COG5: variants seen among roughly 807,000 people sequenced by gnomAD.
The protein encoded by COG5 is conserved oligomeric Golgi complex subunit 5.
COG5 carries 86 observed loss-of-function variants against 110.4 expected under a neutral mutation model. The observed-to-expected ratio is 0.78, with a 90% CI of 0.65 to 0.93. COG5 has a LOEUF of 0.93. Among genes scored for constraint, COG5 ranks in the 40% least tolerant of loss-of-function variants. The probability of loss-of-function intolerance (pLI) is 0.00; values close to 1 mark genes in which losing one functional copy is unlikely to be tolerated. For missense variants in COG5, 1,077 were observed against 987.0 expected (o/e 1.09, Z -1.22); for synonymous variants, 360 against 334.6 (o/e 1.08, Z -0.83).
chr7:107,532,610 T>C (rs904021694), intron 5 of COG5, among the ~76,000 whole-genome samples: 4 of 152,202 alleles, frequency 2.6e-5, no homozygotes, highest in Non-Finnish European at 5.9e-5. Flanking sequence ...CTGATACTTC[T>C]AATTAAAAAT....
At chr7:107,229,166 T>C (rs544800648) in intron 19 of COG5, among the ~76,000 whole-genome samples, 1 of 152,212 alleles carries the variant, frequency 6.6e-6, no homozygotes, top group South Asian at 2.1e-4. Flanking sequence ...AAATATCTTC[T>C]TCGGCTAGGC....
intron 11 of COG5, among the ~76,000 whole-genome samples, chr7:107,314,800 T>C (rs1808586699): frequency 6.6e-6 from 1 of 152,118 alleles, no homozygotes; most frequent in Non-Finnish European, 1.5e-5. Flanking sequence ...AGGATTTTAA[T>C]CAGAAAATGA....
intron 14 of COG5, among the ~76,000 whole-genome samples, chr7:107,262,979 T>A (rs2116659317): frequency 6.6e-6 from 1 of 152,314 alleles, no homozygotes; most frequent in Non-Finnish European, 1.5e-5. Flanking sequence ...TTATTCAAAT[T>A]TTCTTTTCAC....
rs1228029611 is a variant in COG5 at position 107,202,669 on chromosome 7, T to C, written c.*847A>G. 1 of 152,108 alleles carries C rather than the reference T, an allele frequency of 6.6e-6. No individual in the cohort carries two copies. Among genetic ancestry groups the C allele is most frequent in the Non-Finnish European group, 1.5e-5 (1 of 68,030 alleles). The allele number at this position is 152,108 out of a possible 1,614,324, so 9.4% of individuals were successfully genotyped here. A position where few individuals can be genotyped will look rare whatever the true frequency, so the allele number is the denominator to read the frequency against. On this transcript the variant is annotated 3_prime_UTR_variant, in exon 22 of 22. Transcript: ENST00000297135. ...CTAATTAGGAGGCTGCTGATAGGAT[T>C]TTAAAAATTAAAAACAATGTTAATA...
intron 14 of COG5, among the ~76,000 whole-genome samples, chr7:107,268,934 G>C (rs1272307654): frequency 2.0e-5 from 3 of 152,146 alleles, no homozygotes; most frequent in Non-Finnish European, 4.4e-5. Flanking sequence ...ACTGAAAAAT[G>C]TCAGTGGCCA....
chr7:107,334,905 C>T (rs1810578837), intron 10 of COG5, among the ~76,000 whole-genome samples: 1 of 152,082 alleles, frequency 6.6e-6, no homozygotes, highest in Non-Finnish European at 1.5e-5. Context: ...GTGTGATCCA[C>T]TCATAACTCT....
intron 17 of COG5, among the ~76,000 whole-genome samples, chr7:107,244,666 GA>G (rs911396993): frequency 6.6e-6 from 1 of 151,698 alleles, no homozygotes; most frequent in Non-Finnish European, 1.5e-5. Context: ...AAAAAAATCA[GA>G]AACCTCTAAA....
chr7:107,359,291 A>G (rs1812892174), intron 10 of COG5, among the ~76,000 whole-genome samples: 1 of 152,220 alleles, frequency 6.6e-6, no homozygotes, highest in Non-Finnish European at 1.5e-5. Context: ...GTCACATCTC[A>G]GCCAGGTGTG....
At chr7:107,469,322 TA>T (rs1406486812) in intron 6 of COG5, among the ~76,000 whole-genome samples, 1 of 151,968 alleles carries the variant, frequency 6.6e-6, no homozygotes, top group East Asian at 1.9e-4. Flanking sequence ...ATCTACCAAA[TA>T]AAAGGGTTAT....
intron 10 of COG5, among the ~76,000 whole-genome samples, chr7:107,339,950 A>C (rs938333379): frequency 6.6e-6 from 1 of 152,058 alleles, no homozygotes; most frequent in Non-Finnish European, 1.5e-5. Flanking sequence ...TCACACATAG[A>C]GGAGCTAGAA....
At chr7:107,236,296 TCTCC>T (rs1169310229) in intron 18 of COG5, among the ~76,000 whole-genome samples, 150 bp downstream of exon 18, 2 of 133,842 alleles carry the variant, frequency 1.5e-5, no homozygotes, top group African/African-American at 3.0e-5. Context: ...ATCTTTAAAC[TCTCC>T]CTTTTTTTTT....
chr7:107,426,357 G>A (rs1439084348), intron 6 of COG5, among the ~76,000 whole-genome samples: 1 of 152,150 alleles, frequency 6.6e-6, no homozygotes, highest in Non-Finnish European at 1.5e-5. Flanking sequence ...TAATTACTAA[G>A]GCAGGATTTG....
intron 14 of COG5, among the ~76,000 whole-genome samples, chr7:107,273,071 A>G (rs1268272677): frequency 6.6e-6 from 1 of 152,140 alleles, no homozygotes; most frequent in Non-Finnish European, 1.5e-5. Flanking sequence ...TGCCCCATTA[A>G]TCATGCCTCC....
intron 15 of COG5, among the ~76,000 whole-genome samples, chr7:107,257,593 T>C (rs894150505): frequency 6.6e-6 from 1 of 152,076 alleles, no homozygotes; most frequent in Non-Finnish European, 1.5e-5. Context: ...TATCTTCCCA[T>C]TTATAAAATA....
At chr7:107,224,615 C>T (rs977936800) in intron 19 of COG5, among the ~76,000 whole-genome samples, 2 of 152,236 alleles carry the variant, frequency 1.3e-5, no homozygotes, top group South Asian at 4.1e-4. Context: ...CATTTGCTCC[C>T]TTTTCTGCCC....
intron 6 of COG5, among the ~76,000 whole-genome samples, chr7:107,442,492 G>GT (rs5886415): frequency 9.6e-4 from 140 of 145,774 alleles, no homozygotes; most frequent in Middle Eastern, 3.5e-3. Flanking sequence ...GTTTTTTGTT[G>GT]TTTTTTTTTT....
chr7:107,451,869 T>C (rs889781272), intron 6 of COG5, among the ~76,000 whole-genome samples: 2 of 152,164 alleles, frequency 1.3e-5, no homozygotes, highest in African/African-American at 4.8e-5. Flanking sequence ...CAGTCAACAA[T>C]TGGCTATTAG....
chr7:107,476,181 T>C (rs1796969826), intron 6 of COG5, among the ~76,000 whole-genome samples: 2 of 77,144 alleles, frequency 2.6e-5, no homozygotes, highest in Admixed American at 1.3e-4. Flanking sequence ...AGTGCAATGA[T>C]TTTAAAAAAA....
chr7:107,211,885 T>C (rs1188656049), intron 19 of COG5, among the ~76,000 whole-genome samples: 3 of 152,240 alleles, frequency 2.0e-5, no homozygotes, highest in South Asian at 2.1e-4. Context: ...TGAACTGTTA[T>C]TGGCTTTGAG....
Sources: allele counts gnomAD v4.1 joint callset (sites outside exome capture counted in the v4.1 genomes callset), GRCh38; gene constraint gnomAD v4.1.1; transcripts MANE v1.5; gene names NCBI Gene and HGNC (gene_info 2026-07-23, HGNC 2026-07-21).